The following STK24 variants were observed in gnomAD, a reference collection of about 807,000 sequenced individuals.
The protein encoded by STK24 is serine/threonine kinase 24, also known as serine/threonine-protein kinase 24.
STK24 carries 21 observed loss-of-function variants against 55.6 expected under a neutral mutation model. The observed-to-expected ratio is 0.38, with a 90% CI of 0.27 to 0.54. STK24 has a LOEUF of 0.54. STK24 is among the 20% of genes least tolerant of loss of function. STK24 has a pLI of 0.79. For missense variants in STK24, 383 were observed against 538.4 expected (o/e 0.71, Z 2.86); for synonymous variants, 200 against 215.2 (o/e 0.93, Z 0.62).
chr13:98,539,930 T>C (rs902298913), intron 1 of STK24, among the ~76,000 whole-genome samples: 22 of 152,106 alleles, frequency 1.4e-4, no homozygotes, highest in African/African-American at 3.1e-4. Context: ...CACAGCGACA[T>C]GATTCACAGT....
chr13:98,481,409 G>A (rs1188203778), intron 3 of STK24, among the ~76,000 whole-genome samples: 1 of 152,194 alleles, frequency 6.6e-6, no homozygotes. Context: ...GGAGACATCT[G>A]GTGCGGGCCA....
Position 98,446,718 on chromosome 13 carries a change from CCT to C in STK24, c.*6453_*6454del, listed in dbSNP as rs1415839010. On this transcript the variant is annotated 3_prime_UTR_variant, in exon 11 of 11. Transcript: ENST00000539966. ...CTGCTCGGCTACTCGCTCACCATCCCCTCTGAGTCCGAGAACATCCAGAAAGA... is the reference window on the plus strand; with the variant it reads ...CTGCTCGGCTACTCGCTCACCATCCCCTGAGTCCGAGAACATCCAGAAAGA... 5 of 1,614,088 alleles carry C rather than the reference CCT, an allele frequency of 3.1e-6. No homozygotes were observed. Among genetic ancestry groups the C allele is most frequent in the East Asian group, 2.2e-5 (1 of 44,878 alleles).
chr13:98,516,790 A>G (rs1467847604), intron 2 of STK24, among the ~76,000 whole-genome samples: 2 of 152,206 alleles, frequency 1.3e-5, no homozygotes, highest in African/African-American at 4.8e-5. Flanking sequence ...TGAGGAAGAG[A>G]TACATTTCTA....
At chr13:98,478,126 G>A (rs966100953) in intron 3 of STK24, among the ~76,000 whole-genome samples, 4 of 152,226 alleles carry the variant, frequency 2.6e-5, no homozygotes, top group African/African-American at 7.2e-5. Context: ...TGAGCAGCTC[G>A]GACCAGGCCA....
At chr13:98,529,589 A>C (rs1468539453) in intron 1 of STK24, among the ~76,000 whole-genome samples, 1 of 152,170 alleles carries the variant, frequency 6.6e-6, no homozygotes, top group Non-Finnish European at 1.5e-5. Flanking sequence ...CAAAGGTCAT[A>C]TACAGTATGA....
At chr13:98,511,976 C>A (rs1895895031) in intron 2 of STK24, among the ~76,000 whole-genome samples, 1 of 151,234 alleles carries the variant, frequency 6.6e-6, no homozygotes. Context: ...TCTCAGCCTC[C>A]CAGGTTCAAG....
chr13:98,509,725 G>A (rs889953906), intron 2 of STK24, among the ~76,000 whole-genome samples: 10 of 152,170 alleles, frequency 6.6e-5, no homozygotes, highest in South Asian at 2.1e-4. Context: ...AGCAGACTGA[G>A]CTCCCCATGT....
chr13:98,558,535 CA>C, intron 1 of STK24, among the ~76,000 whole-genome samples: 1 of 152,184 alleles, frequency 6.6e-6, no homozygotes, highest in East Asian at 1.9e-4. Context: ...AACCTGCACC[CA>C]GAAACATAAA....
At chr13:98,558,262 C>T (rs1243688036) in intron 1 of STK24, among the ~76,000 whole-genome samples, 3 of 152,202 alleles carry the variant, frequency 2.0e-5, no homozygotes, top group South Asian at 2.1e-4. Context: ...GATCAACACA[C>T]ATCTTTCTTC....
chr13:98,560,503 A>G (rs1897390081), intron 1 of STK24, among the ~76,000 whole-genome samples: 1 of 152,222 alleles, frequency 6.6e-6, no homozygotes, highest in Non-Finnish European at 1.5e-5. Context: ...AACAGGCTGA[A>G]AAGAAACACA....
intron 9 of STK24, among the ~76,000 whole-genome samples, chr13:98,459,534 C>T (rs998943054): frequency 4.6e-5 from 7 of 152,188 alleles, no homozygotes; most frequent in African/African-American, 1.4e-4. Context: ...TGGCCAGGCA[C>T]GGCCCATGGC....
chr13:98,511,901 ATT>A (rs10641055), intron 2 of STK24, among the ~76,000 whole-genome samples: 6 of 141,176 alleles, frequency 4.3e-5, no homozygotes, highest in Non-Finnish European at 4.6e-5. Context: ...TTTTACAGTA[ATT>A]TTTTTTTTTT....
At chr13:98,513,237 C>T (rs1404239188) in intron 2 of STK24, among the ~76,000 whole-genome samples, 2 of 152,190 alleles carry the variant, frequency 1.3e-5, no homozygotes, top group South Asian at 2.1e-4. Context: ...CCATGGGCTC[C>T]GAGACCCTCC....
chr13:98,460,334 C>T (rs768965750), intron 9 of STK24, 38 bp downstream of exon 9: 33 of 1,570,646 alleles, frequency 2.1e-5, no homozygotes, highest in Middle Eastern at 1.7e-4. Flanking sequence ...CTCCTTCCCC[C>T]TCCCCTCCCA....
intron 2 of STK24, among the ~76,000 whole-genome samples, chr13:98,514,158 C>T (rs79838205): frequency 0.034 from 5,151 of 152,238 alleles, 275 homozygotes; most frequent in African/African-American, 0.12. Context: ...ATTGTCCAAA[C>T]TAGGGTGCAT....
intron 6 of STK24, among the ~76,000 whole-genome samples, chr13:98,464,128 A>C (rs1429851267): frequency 6.6e-6 from 1 of 152,160 alleles, no homozygotes; most frequent in African/African-American, 2.4e-5. Flanking sequence ...AGAGAGCTTA[A>C]ATGATCTGGT....
At chr13:98,508,301 G>A (rs1485439481) in intron 2 of STK24, among the ~76,000 whole-genome samples, 1 of 152,124 alleles carries the variant, frequency 6.6e-6, no homozygotes, top group African/African-American at 2.4e-5. Context: ...TTCCCCAACA[G>A]AGGACGCTTC....
At chr13:98,545,736 C>T (rs1479249795) in intron 1 of STK24, among the ~76,000 whole-genome samples, 1 of 151,882 alleles carries the variant, frequency 6.6e-6, no homozygotes, top group Non-Finnish European at 1.5e-5. Flanking sequence ...ATCCATTACC[C>T]TAAATCAATA....
chr13:98,499,318 C>T (rs77106095), intron 2 of STK24, among the ~76,000 whole-genome samples: 5 of 152,248 alleles, frequency 3.3e-5, no homozygotes, highest in East Asian at 3.9e-4. Flanking sequence ...ATTTCCCAGA[C>T]GCACGGCAGA....
Sources: gnomAD v4.1 joint callset for allele counts (sites outside exome capture counted in the v4.1 genomes callset) on GRCh38, gnomAD v4.1.1 for gene constraint, MANE v1.5 for transcripts, NCBI Gene and HGNC (gene_info 2026-07-23, HGNC 2026-07-21) for gene names.